GC: variants seen among roughly 807,000 people sequenced by gnomAD.
GC encodes vitamin D-binding protein.
GC carries 43 observed loss-of-function variants against 56.7 expected under a neutral mutation model. That is an observed-to-expected ratio of 0.76 (90% CI 0.59 to 0.98). GC has a LOEUF of 0.98. GC is among the 50% of genes least tolerant of loss of function. The probability of loss-of-function intolerance (pLI) is 0.00; values close to 1 mark genes in which losing one functional copy is unlikely to be tolerated. For missense variants in GC, 529 were observed against 545.9 expected (o/e 0.97, Z 0.31); for synonymous variants, 216 against 202.7 (o/e 1.07, Z -0.56).
At chr4:71,796,389 C>G (rs1210735886) in intron 1 of GC, among the ~76,000 whole-genome samples, 1 of 152,100 alleles carries the variant, frequency 6.6e-6, no homozygotes, top group Non-Finnish European at 1.5e-5. Flanking sequence ...CTTAATTTGT[C>G]TTTTCACTCT....
chr4:71,765,477 T>G lies in GC; in HGVS notation c.428A>C (p.Glu143Ala), dbSNP rs201967659. The G allele has an allele frequency of 2.0e-5, 32 of 1,613,990 alleles. No individual in the cohort carries two copies. The highest frequency in any genetic ancestry group is 2.5e-5 in the Non-Finnish European group (30 of 1,179,932). ...ATCTTTCCTGAACGCCTCACAGATT[T>G]CATCATTTGTGGGTTCCACGTAGGT... ...FPTYVEPTND[E>A]ICEAFRKDPK... Residue 143 changes from glutamate to alanine, a missense_variant, in exon 4 of 13, where the codon GAA becomes GCA. Coordinates refer to ENST00000273951, the MANE Select transcript of GC (RefSeq NM_000583.4).
At chr4:71,795,358 C>T (rs1180134851) in intron 1 of GC, among the ~76,000 whole-genome samples, 4 of 152,138 alleles carry the variant, frequency 2.6e-5, no homozygotes, top group Non-Finnish European at 4.4e-5. Flanking sequence ...TGGGTGCATA[C>T]ATATTTAGCA....
intron 1 of GC, among the ~76,000 whole-genome samples, chr4:71,802,470 A>C (rs377057615): frequency 6.6e-6 from 1 of 152,180 alleles, no homozygotes. Context: ...ATTAATAGGG[A>C]ATTTTTAAAA....
chr4:71,793,314 G>C (rs2149309434), intron 1 of GC, among the ~76,000 whole-genome samples: 1 of 152,174 alleles, frequency 6.6e-6, no homozygotes, highest in Non-Finnish European at 1.5e-5. Context: ...TCTTCCATTT[G>C]TTTGTGTCCT....
chr4:71,787,906 G>T (rs1367282872), upstream of GC, among the ~76,000 whole-genome samples: 3 of 151,854 alleles, frequency 2.0e-5, no homozygotes, highest in Non-Finnish European at 2.9e-5. Context: ...ATGTTTTCAG[G>T]TGGAATTTTG....
chr4:71,774,623 TA>T (rs1430436721), intron 1 of GC, among the ~76,000 whole-genome samples: 4 of 151,940 alleles, frequency 2.6e-5, no homozygotes, highest in South Asian at 2.1e-4. Flanking sequence ...TAAATATAAA[TA>T]ATAATAATAT....
intron 1 of GC, among the ~76,000 whole-genome samples, chr4:71,792,767 T>G (rs1743003537): frequency 6.6e-6 from 1 of 152,220 alleles, no homozygotes; most frequent in Non-Finnish European, 1.5e-5. Context: ...TTGCCTAGGT[T>G]TTCTTCAAGA....
chr4:71,742,304 C>A (rs1346148870), intron 12 of GC, among the ~76,000 whole-genome samples: 1 of 152,158 alleles, frequency 6.6e-6, no homozygotes, highest in East Asian at 1.9e-4. Flanking sequence ...TTTATCAAGT[C>A]ATCTTCTACT....
chr4:71,798,157 A>T (rs1280836722), intron 1 of GC, among the ~76,000 whole-genome samples: 3 of 152,144 alleles, frequency 2.0e-5, no homozygotes, highest in African/African-American at 7.2e-5. Flanking sequence ...CTTCCATTTG[A>T]TTTTAATTTA....
At chr4:71,760,086 C>T (rs1226421213) in intron 6 of GC, among the ~76,000 whole-genome samples, 5 of 149,608 alleles carry the variant, frequency 3.3e-5, no homozygotes, top group Non-Finnish European at 1.5e-5. Context: ...TCTGTCGCCC[C>T]AGGCTGGAGG....
Position 71,774,259 on chromosome 4 carries a change from G to A in GC, c.59-4859C>T, listed in dbSNP as rs549968863. Among the ~76,000 whole-genome samples the A allele has an allele frequency of 7.9e-5, 12 of 152,016 alleles. No individual in the cohort carries two copies. The South Asian group carries it at 2.3e-3, about 29-fold the overall frequency. On this transcript the variant is annotated intron_variant, in intron 1 of 12. Coordinates refer to ENST00000273951, the MANE Select transcript of GC (RefSeq NM_000583.4). ...AGACTTTGAAAATTCAAACACAAAC[G>A]AAAACAGCAAAAGATATATAGTCAA...
intron 6 of GC, 57 bp downstream of exon 6, chr4:71,763,351 A>C: frequency 1.2e-6 from 1 of 845,206 alleles, no homozygotes; most frequent in Non-Finnish European, 1.9e-6. Context: ...CCCTAATATT[A>C]TGGATAGACA....
Position 71,752,575 on chromosome 4 carries a change from T to A in GC, c.1338A>T (p.Ser446=), listed in dbSNP as rs1324680391. 1 of 1,612,698 alleles carries A rather than the reference T, an allele frequency of 6.2e-7. No individual in the cohort carries two copies. Among genetic ancestry groups the A allele is most frequent in the Non-Finnish European group, 8.5e-7 (1 of 1,178,696 alleles). Residue 446 remains serine, a synonymous_variant, in exon 11 of 13, where the codon TCA becomes TCT. Transcript: ENST00000273951. ...TGGAACAGCAGTTGGAGGCAAAGTC[T>A]GAGTGCTTGTTAACCAGCTTTGCCA... The part of the protein sequence containing the change: ...TELAKLVNKH[S]DFASNCCSIN...
At chr4:71,802,238 C>T (rs1743269029) in intron 1 of GC, among the ~76,000 whole-genome samples, 1 of 152,002 alleles carries the variant, frequency 6.6e-6, no homozygotes, top group African/African-American at 2.4e-5. Flanking sequence ...TTATCTAGTG[C>T]TTTTAATCAA....
intron 1 of GC, among the ~76,000 whole-genome samples, chr4:71,798,176 AT>A (rs1326976757): frequency 6.6e-6 from 1 of 152,090 alleles, no homozygotes; most frequent in African/African-American, 2.4e-5. Context: ...TATAGTTCCT[AT>A]TTTGCTGCTG....
upstream of GC, among the ~76,000 whole-genome samples, chr4:71,785,205 C>A (rs990157708): frequency 1.3e-5 from 2 of 151,724 alleles, no homozygotes; most frequent in African/African-American, 4.8e-5. Context: ...GGGTGCAGGG[C>A]TCATGGTAAC....
At chr4:71,773,318 T>C (rs376791098) in intron 1 of GC, among the ~76,000 whole-genome samples, 3 of 152,220 alleles carry the variant, frequency 2.0e-5, no homozygotes, top group African/African-American at 4.8e-5. Context: ...TTGTGAAACA[T>C]TCTGGTAAGT....
intron 6 of GC, chr4:71,759,706 A>C (rs1017571268): frequency 6.8e-6 from 1 of 146,254 alleles, no homozygotes; most frequent in African/African-American, 2.7e-5. Context: ...ATAATTGTTT[A>C]TTCAAGTCTT....
At chr4:71,766,775 C>G (rs1299744385) in intron 3 of GC, among the ~76,000 whole-genome samples, 1 of 152,098 alleles carries the variant, frequency 6.6e-6, no homozygotes, top group Non-Finnish European at 1.5e-5. Flanking sequence ...TTTTTCCTTT[C>G]CATTCATTTC....
Sources: gnomAD v4.1 joint callset for allele counts (sites outside exome capture counted in the v4.1 genomes callset) on GRCh38, gnomAD v4.1.1 for gene constraint, MANE v1.5 for transcripts, NCBI Gene and HGNC (gene_info 2026-07-23, HGNC 2026-07-21) for gene names.